Variants in TRDN observed in about 807,000 individuals in gnomAD.
The protein encoded by TRDN is triadin.
TRDN carries 161 observed loss-of-function variants against 149.7 expected under a neutral mutation model. The observed-to-expected ratio is 1.08, with a 90% CI of 0.95 to 1.23. The LOEUF (loss-of-function observed/expected upper bound fraction) is 1.23, where lower values mean the gene tolerates loss of function less well. Among genes scored for constraint, TRDN ranks in the 50% most tolerant of loss-of-function variants. TRDN has a pLI of 0.00. For missense variants in TRDN, 896 were observed against 823.5 expected, an observed-to-expected ratio of 1.09 and a Z score of -1.08; for synonymous variants, 294 against 250.5, an observed-to-expected ratio of 1.17 and a Z score of -1.64.
At chr6:123,248,610 A>G (rs1776269599) in intron 38 of TRDN, among the ~76,000 whole-genome samples, 1 of 152,080 alleles carries the variant, frequency 6.6e-6, no homozygotes, top group African/African-American at 2.4e-5. Flanking sequence ...CATGCTAATT[A>G]ACTGGAAAAA....
intron 40 of TRDN, among the ~76,000 whole-genome samples, chr6:123,221,096 G>C (rs1775130735): frequency 6.6e-6 from 1 of 151,680 alleles, no homozygotes; most frequent in South Asian, 2.1e-4. Flanking sequence ...CCAAGCAATT[G>C]AATTGCTAAA....
chr6:123,351,984 G>T, intron 21 of TRDN: 1 of 974,432 alleles, frequency 1.0e-6, no homozygotes, highest in South Asian at 4.8e-5. Flanking sequence ...CAAATAAAAT[G>T]CATTAACTAT....
chr6:123,219,354 G>A (rs1245008104), intron 40 of TRDN, among the ~76,000 whole-genome samples: 2 of 151,772 alleles, frequency 1.3e-5, no homozygotes, highest in African/African-American at 2.4e-5. Flanking sequence ...TCAGTAAGCC[G>A]GTGCTCCCAG....
At chr6:123,528,910 G>T (rs1780078392) in intron 5 of TRDN, 2 of 1,069,808 alleles carry the variant, frequency 1.9e-6, no homozygotes, top group Non-Finnish European at 1.1e-6. Flanking sequence ...AAACATATTT[G>T]GTCTACTCAA....
At chr6:123,382,788 T>G (rs942393599) in intron 14 of TRDN, among the ~76,000 whole-genome samples, 4 of 152,018 alleles carry the variant, frequency 2.6e-5, no homozygotes, top group Non-Finnish European at 5.9e-5. Context: ...GCATTCAGCC[T>G]AGATCTGATA....
At chr6:123,551,354 C>T (rs1309081907) in intron 2 of TRDN, among the ~76,000 whole-genome samples, 3 of 150,146 alleles carry the variant, frequency 2.0e-5, no homozygotes, top group African/African-American at 2.5e-5. Flanking sequence ...CACACACACA[C>T]ACACACACAC....
At chr6:123,278,675 C>T (rs563690349) in intron 25 of TRDN, among the ~76,000 whole-genome samples, 1 of 152,258 alleles carries the variant, frequency 6.6e-6, no homozygotes, top group Non-Finnish European at 1.5e-5. Context: ...GAGGCTGAGG[C>T]ACAAGAATCA....
At chr6:123,491,497 T>C (rs1290247693) in intron 9 of TRDN, among the ~76,000 whole-genome samples, 2 of 152,172 alleles carry the variant, frequency 1.3e-5, no homozygotes, top group Non-Finnish European at 2.9e-5. Flanking sequence ...AACTTTCACT[T>C]TCCCTTTATT....
chr6:123,331,834 A>C, intron 23 of TRDN, 45 bp downstream of exon 23: 2 of 1,334,462 alleles, frequency 1.5e-6, no homozygotes, highest in South Asian at 3.1e-5. Context: ...CTGAATATGC[A>C]AAAGGCAGAT....
chr6:123,494,930 C>T (rs916021268), intron 9 of TRDN, among the ~76,000 whole-genome samples: 106 of 151,952 alleles, frequency 7.0e-4, no homozygotes, highest in Middle Eastern at 3.4e-3. Context: ...GACGGGGTTT[C>T]ACCATGTTGG....
rs1020088663 is a variant in TRDN at position 123,397,179 on chromosome 6, A to G, written c.1052-3502T>C. Among the ~76,000 whole-genome samples, 60 of 152,202 alleles carry G rather than the reference A, an allele frequency of 3.9e-4. 1 individual carries two copies. Among genetic ancestry groups the G allele is most frequent in the Admixed American group, 3.9e-3 (60 of 15,278 alleles). ...AACATGTAAGTCTCTTACTTATAGTAACAACAAAATAAATAAGAAAGACTC... is the reference window on the plus strand; with the variant it reads ...AACATGTAAGTCTCTTACTTATAGTGACAACAAAATAAATAAGAAAGACTC... On this transcript the variant is annotated intron_variant, in intron 12 of 40. Transcript: ENST00000334268.
chr6:123,511,916 G>C (rs1779199328), intron 7 of TRDN, among the ~76,000 whole-genome samples: 1 of 151,790 alleles, frequency 6.6e-6, no homozygotes, highest in African/African-American at 2.4e-5. Flanking sequence ...AAAGACTCAT[G>C]ATATTACATT....
At chr6:123,585,294 T>C (rs1043267149) in intron 1 of TRDN, among the ~76,000 whole-genome samples, 19 of 150,988 alleles carry the variant, frequency 1.3e-4, no homozygotes, top group African/African-American at 2.4e-4. Context: ...GTGGGGATAA[T>C]TAAAAGGAGT....
chr6:123,509,637 TA>T (rs1252391565), intron 7 of TRDN: 1 of 152,232 alleles, frequency 6.6e-6, no homozygotes, highest in East Asian at 1.9e-4. Flanking sequence ...AAGTCCTAGT[TA>T]ACACTTTGTT....
intron 23 of TRDN, among the ~76,000 whole-genome samples, chr6:123,320,902 C>T (rs1355474109): frequency 2.6e-5 from 4 of 151,804 alleles, no homozygotes; most frequent in Admixed American, 6.6e-5. Context: ...TAAAACTAAG[C>T]AGTCTGAGCA....
chr6:123,332,372 A>C (rs1225815810), intron 22 of TRDN, among the ~76,000 whole-genome samples: 2 of 152,070 alleles, frequency 1.3e-5, no homozygotes, highest in African/African-American at 4.8e-5. Context: ...GCGGTGTTTT[A>C]GTCTTCAGAC....
intron 1 of TRDN, among the ~76,000 whole-genome samples, chr6:123,584,909 C>T (rs969838321): frequency 6.6e-6 from 1 of 152,106 alleles, no homozygotes; most frequent in Non-Finnish European, 1.5e-5. Context: ...ACTTGTAAGG[C>T]TTGTCTGGTT....
At chr6:123,441,434 A>T (rs1774882167) in intron 10 of TRDN, among the ~76,000 whole-genome samples, 1 of 152,210 alleles carries the variant, frequency 6.6e-6, no homozygotes, top group East Asian at 1.9e-4. Context: ...ATTAAAAATT[A>T]AATGTATCTA....
chr6:123,633,698 C>T (rs1366741514), intron 1 of TRDN, among the ~76,000 whole-genome samples: 1 of 151,990 alleles, frequency 6.6e-6, no homozygotes, highest in African/African-American at 2.4e-5. Context: ...TGTCCTATTT[C>T]TAATTTATCT....
Sources: allele counts gnomAD v4.1 joint callset (sites outside exome capture counted in the v4.1 genomes callset), GRCh38; gene constraint gnomAD v4.1.1; transcripts MANE v1.5; gene names NCBI Gene and HGNC (gene_info 2026-07-23, HGNC 2026-07-21).